Variants in MAP2K4 observed in about 807,000 individuals in gnomAD.
The protein encoded by MAP2K4 is mitogen-activated protein kinase kinase 4.
A neutral mutation model predicts 48.5 loss-of-function variants in MAP2K4; 4 were observed. That is an observed-to-expected ratio of 0.08 (90% CI 0.04 to 0.19). The LOEUF is 0.19. Among genes scored for constraint, MAP2K4 ranks in the 10% least tolerant of loss-of-function variants. The pLI is 1.00. For missense variants in MAP2K4, 258 were observed against 493.3 expected (o/e 0.52, Z 4.52); for synonymous variants, 166 against 173.1 (o/e 0.96, Z 0.32).
intron 1 of MAP2K4, among the ~76,000 whole-genome samples, chr17:12,044,209 A>G (rs1015137472): frequency 2.6e-5 from 4 of 152,192 alleles, no homozygotes; most frequent in African/African-American, 9.7e-5. Flanking sequence ...CTTGCACACA[A>G]TTGGCCCACA....
intron 7 of MAP2K4, among the ~76,000 whole-genome samples, chr17:12,119,795 TG>T (rs1182361286): frequency 6.6e-6 from 1 of 152,234 alleles, no homozygotes; most frequent in Non-Finnish European, 1.5e-5. Flanking sequence ...ATATACACTG[TG>T]GAATACTCTA....
chr17:12,034,340 G>A (rs981720371), intron 1 of MAP2K4, among the ~76,000 whole-genome samples: 2 of 152,210 alleles, frequency 1.3e-5, no homozygotes, highest in African/African-American at 2.4e-5. Context: ...TGGAGGCTGG[G>A]ACAGCGGAAC....
intron 2 of MAP2K4, among the ~76,000 whole-genome samples, chr17:12,071,592 C>CA (rs960160022): frequency 1.3e-5 from 2 of 151,868 alleles, no homozygotes; most frequent in African/African-American, 4.8e-5. Context: ...CTCCCACCTC[C>CA]AAAAAAACAA....
intron 3 of MAP2K4, among the ~76,000 whole-genome samples, chr17:12,091,723 C>G (rs1401143413): frequency 6.6e-6 from 1 of 151,792 alleles, no homozygotes; most frequent in Non-Finnish European, 1.5e-5. Context: ...TGGCATTTAC[C>G]TGCTTTATTG....
chr17:12,086,994 G>A (rs1053174374), intron 3 of MAP2K4, among the ~76,000 whole-genome samples: 1 of 151,962 alleles, frequency 6.6e-6, no homozygotes, highest in South Asian at 2.1e-4. Flanking sequence ...CTAAAGGCAC[G>A]CACCACCACA....
intron 2 of MAP2K4, among the ~76,000 whole-genome samples, chr17:12,067,527 C>T (rs909989525): frequency 7.2e-5 from 11 of 152,274 alleles, no homozygotes; most frequent in African/African-American, 2.4e-4. Flanking sequence ...ACTGGTACAG[C>T]GGGCACTGCA....
chr17:12,077,097 T>G (rs1971036989), intron 2 of MAP2K4, among the ~76,000 whole-genome samples: 2 of 152,204 alleles, frequency 1.3e-5, no homozygotes, highest in African/African-American at 4.8e-5. Flanking sequence ...GGAAACATCT[T>G]AGGTGCTCTG....
intron 1 of MAP2K4, among the ~76,000 whole-genome samples, chr17:12,034,733 C>G (rs1204553618): frequency 6.6e-6 from 1 of 152,152 alleles, no homozygotes; most frequent in Non-Finnish European, 1.5e-5. Context: ...TTAACTGGAA[C>G]CAGGGTGAGG....
At chr17:12,057,882 C>T (rs1244032233) in intron 2 of MAP2K4, among the ~76,000 whole-genome samples, 1 of 151,904 alleles carries the variant, frequency 6.6e-6, no homozygotes, top group Non-Finnish European at 1.5e-5. Context: ...AAATTCTTTT[C>T]TGTTGTTTGA....
intron 7 of MAP2K4, chr17:12,115,653 A>C: frequency 1.3e-6 from 1 of 753,596 alleles, no homozygotes; most frequent in Non-Finnish European, 2.5e-6. Context: ...GCTTATTAAC[A>C]CAGCAAAGTG....
intron 5 of MAP2K4, among the ~76,000 whole-genome samples, chr17:12,109,100 T>G (rs911810838): frequency 1.3e-5 from 2 of 152,178 alleles, no homozygotes; most frequent in African/African-American, 4.8e-5. Flanking sequence ...TACCTCATTT[T>G]TATGAATGAT....
chr17:12,058,429 A>G (rs1035566816), intron 2 of MAP2K4, among the ~76,000 whole-genome samples: 6 of 152,096 alleles, frequency 3.9e-5, no homozygotes, highest in Admixed American at 3.3e-4. Flanking sequence ...TCTTCTGACC[A>G]TGAATTCTCT....
intron 3 of MAP2K4, among the ~76,000 whole-genome samples, chr17:12,092,643 C>T (rs1479187794): frequency 6.6e-6 from 1 of 152,174 alleles, no homozygotes; most frequent in Non-Finnish European, 1.5e-5. Context: ...AGTTGATCCC[C>T]TTTTGGGGTC....
chr17:12,137,310 G>T (rs956942751), intron 9 of MAP2K4, among the ~76,000 whole-genome samples: 4 of 152,126 alleles, frequency 2.6e-5, no homozygotes, highest in African/African-American at 9.7e-5. Flanking sequence ...AAATGGAACA[G>T]AAACTTACTT....
intron 1 of MAP2K4, among the ~76,000 whole-genome samples, chr17:12,033,121 C>T (rs892097052): frequency 5.3e-5 from 8 of 151,734 alleles, no homozygotes; most frequent in East Asian, 3.9e-4. Context: ...CAGGTGTGAG[C>T]GACTGTACCC....
At chr17:12,087,440 A>G (rs1301643767) in intron 3 of MAP2K4, among the ~76,000 whole-genome samples, 13 of 152,130 alleles carry the variant, frequency 8.5e-5, no homozygotes, top group Admixed American at 8.5e-4. Context: ...CACTCTTACC[A>G]AGGCATGTCA....
At chr17:12,096,040 G>A (rs1040971326) in intron 4 of MAP2K4, among the ~76,000 whole-genome samples, 193 of 80,214 alleles carry the variant, frequency 2.4e-3, no homozygotes, top group Middle Eastern at 0.01. Flanking sequence ...TATAGTTTTA[G>A]ATTTTCATTG....
At position 12,081,283 on chromosome 17, in the gene MAP2K4, T is replaced by A; in HGVS notation, c.219-73T>A. 1 of 1,178,296 alleles carries A rather than the reference T, an allele frequency of 8.5e-7. No homozygotes were observed. The highest frequency in any genetic ancestry group is 1.2e-6 in the Non-Finnish European group (1 of 835,388). The allele number at this position is 1,178,296 out of a possible 1,614,324, so 73.0% of individuals were successfully genotyped here. A position where few individuals can be genotyped will look rare whatever the true frequency, so the allele number is the denominator to read the frequency against. On this transcript the variant is annotated intron_variant, in intron 2 of 10. Coordinates refer to ENST00000353533, the MANE Select transcript of MAP2K4 (RefSeq NM_003010.4). The surrounding 1 kb of genome is among the most constrained non-coding windows in gnomAD (Gnocchi z 4.2). ...ATTTAGAAAACATTTTTCCCACACA[T>A]TAATCAGTACTAAAAGAAAAAAGTT... is the stretch of plus-strand genomic sequence containing the variant.
rs557448261 is a variant in MAP2K4, at chr17:12,120,541, C to CG, written c.814-4753_814-4752insG. On this transcript the variant is annotated intron_variant, in intron 7 of 10. Coordinates refer to ENST00000353533, the MANE Select transcript of MAP2K4 (RefSeq NM_003010.4). ...GGAAACAAGCTCCCTCATTCCCCCC[C>CG]CCATAAAAAAGAAAAAATGCTCTTG... Among the ~76,000 whole-genome samples the CG allele has an allele frequency of 4.7e-4, 67 of 141,578 alleles. No individual in the cohort carries two copies. The East Asian group carries it at 0.015, about 33-fold the overall frequency. The allele number at this position is 141,578 out of a possible 152,430, so 92.9% of individuals were successfully genotyped here.
Sources: allele counts gnomAD v4.1 joint callset (sites outside exome capture counted in the v4.1 genomes callset), GRCh38; gene constraint gnomAD v4.1.1; non-coding constraint Gnocchi (gnomAD v3.1); transcripts MANE v1.5; gene names NCBI Gene and HGNC (gene_info 2026-07-23, HGNC 2026-07-21).